Variants in DCDC1 observed in about 807,000 individuals in gnomAD.
The protein encoded by DCDC1 is doublecortin domain-containing protein 1.
A neutral mutation model predicts 178.3 loss-of-function variants in DCDC1; 200 were observed. The observed-to-expected ratio is 1.12, with a 90% CI of 1.00 to 1.26. The LOEUF is 1.26. Ranked by LOEUF, DCDC1 falls within the 50% of genes most tolerant of loss-of-function variation. DCDC1 has a pLI of 0.00. For synonymous variants in DCDC1, 690 were observed against 604.8 expected (o/e 1.14, Z -2.07); for missense variants, 1,983 against 1,749.2 (o/e 1.13, Z -2.38).
At chr11:31,038,232 C>T (rs922379088) in intron 20 of DCDC1, among the ~76,000 whole-genome samples, 1 of 151,952 alleles carries the variant, frequency 6.6e-6, no homozygotes, top group Non-Finnish European at 1.5e-5. Flanking sequence ...TATATATACA[C>T]ACACACACAT....
chr11:30,954,735 C>A (rs999218587), intron 20 of DCDC1, among the ~76,000 whole-genome samples: 3 of 152,168 alleles, frequency 2.0e-5, no homozygotes, highest in Non-Finnish European at 4.4e-5. Flanking sequence ...CAGTGCATCA[C>A]CCATAATTTT....
intron 6 of DCDC1, among the ~76,000 whole-genome samples, chr11:31,294,724 AAGGG>A (rs201019954): frequency 0.19 from 13,656 of 71,380 alleles, 2,470 homozygotes; most frequent in East Asian, 0.58. Flanking sequence ...GGAAGGAAGG[AAGGG>A]AGGGAGGGAG....
intron 20 of DCDC1, among the ~76,000 whole-genome samples, chr11:30,970,320 C>T (rs200305009): frequency 4.3e-4 from 65 of 152,202 alleles, no homozygotes; most frequent in East Asian, 1.4e-3. Context: ...ATTTTGAGGG[C>T]CCAGTCCCCA....
intron 9 of DCDC1, among the ~76,000 whole-genome samples, chr11:31,154,935 T>C (rs1213139996): frequency 6.6e-6 from 1 of 152,208 alleles, no homozygotes; most frequent in Non-Finnish European, 1.5e-5. Context: ...TTCAGCCTTG[T>C]GTTCTGCCAG....
At chr11:31,269,006 G>GT (rs911612219) in intron 7 of DCDC1, among the ~76,000 whole-genome samples, 1 of 152,156 alleles carries the variant, frequency 6.6e-6, no homozygotes, top group Admixed American at 6.5e-5. Flanking sequence ...CTTTGTGCAA[G>GT]TTTTAAAAGT....
At chr11:30,975,317 G>T (rs991290420) in intron 20 of DCDC1, among the ~76,000 whole-genome samples, 2 of 151,914 alleles carry the variant, frequency 1.3e-5, no homozygotes, top group African/African-American at 4.8e-5. Context: ...AGCAAGACAA[G>T]GATACCCCAC....
intron 15 of DCDC1, among the ~76,000 whole-genome samples, chr11:31,099,780 G>A (rs1422903023): frequency 5.3e-5 from 8 of 150,080 alleles, no homozygotes; most frequent in East Asian, 3.9e-4. Context: ...GTGCAGTGGC[G>A]CAATCTCGGC....
intron 6 of DCDC1, among the ~76,000 whole-genome samples, chr11:31,301,371 G>A (rs942900129): frequency 2.0e-5 from 3 of 152,270 alleles, no homozygotes; most frequent in Admixed American, 6.5e-5. Context: ...CACCACAAAG[G>A]CTGGTATCTG....
In DCDC1 at chr11:31,265,974, T is replaced by G. The variant is rs1298517726; in HGVS notation, c.961-374A>C. Among the ~76,000 whole-genome samples the G allele has an allele frequency of 2.0e-5, 3 of 150,826 alleles. No individual in the cohort carries two copies. The East Asian group carries it at 5.8e-4, about 29-fold the overall frequency. The stretch of plus-strand genomic sequence containing the variant: ...AATAAATGGTAGACCTTTAGAACTC[T>G]GAGGGATTTTTATCTTAGTCTTGCA... On this transcript the variant is annotated intron_variant, in intron 7 of 38. Transcript: ENST00000684477.
At chr11:30,996,445 A>G (rs1423348204) in intron 20 of DCDC1, among the ~76,000 whole-genome samples, 1 of 145,534 alleles carries the variant, frequency 6.9e-6, no homozygotes, top group Non-Finnish European at 1.5e-5. Flanking sequence ...TTCAAAAATC[A>G]TATTGAGACT....
At chr11:31,311,681 G>A (rs1948779788) in intron 3 of DCDC1, among the ~76,000 whole-genome samples, 1 of 152,068 alleles carries the variant, frequency 6.6e-6, no homozygotes, top group South Asian at 2.1e-4. Context: ...TGTGCTCCTC[G>A]ACAATCCTAA....
intron 9 of DCDC1, among the ~76,000 whole-genome samples, chr11:31,225,836 C>T (rs909890045): frequency 3.3e-5 from 5 of 151,386 alleles, no homozygotes; most frequent in African/African-American, 9.7e-5. Context: ...CCCAATCTTT[C>T]GTGTCTGGAG....
intron 17 of DCDC1, among the ~76,000 whole-genome samples, chr11:31,079,428 A>G (rs1957049799): frequency 6.6e-6 from 1 of 152,214 alleles, no homozygotes; most frequent in South Asian, 2.1e-4. Flanking sequence ...AAACATAAGT[A>G]AATGTTTCTC....
chr11:31,187,978 C>T (rs534127623), intron 9 of DCDC1, among the ~76,000 whole-genome samples: 4 of 152,254 alleles, frequency 2.6e-5, no homozygotes, highest in East Asian at 3.9e-4. Context: ...GCATTTATAA[C>T]ACCTCATCTA....
At chr11:31,056,191 T>A (rs1955574321) in intron 20 of DCDC1, among the ~76,000 whole-genome samples, 1 of 151,660 alleles carries the variant, frequency 6.6e-6, no homozygotes, top group African/African-American at 2.4e-5. Flanking sequence ...CTAAAAATAA[T>A]AATAAAATAA....
intron 1 of DCDC1, among the ~76,000 whole-genome samples, chr11:31,365,222 A>G (rs1279860335): frequency 1.3e-5 from 2 of 152,180 alleles, no homozygotes; most frequent in East Asian, 3.8e-4. Context: ...CAATAGGTGA[A>G]TGAAGGCTGT....
chr11:31,363,059 T>C (rs1951789641), intron 1 of DCDC1, among the ~76,000 whole-genome samples: 2 of 152,206 alleles, frequency 1.3e-5, no homozygotes, highest in African/African-American at 4.8e-5. Context: ...GAAGTTGTAA[T>C]GCTTAATCAT....
rs755340703 is a variant in DCDC1 at position 31,328,204 on chromosome 11, T to A, written c.77A>T (p.Glu26Val). 1 of 1,612,650 alleles carries A rather than the reference T, an allele frequency of 6.2e-7. No individual in the cohort carries two copies. The highest frequency in any genetic ancestry group is 8.5e-7 in the Non-Finnish European group (1 of 1,179,018). The change falls in exon 3 of 39, where the codon GAA becomes GTA. Residue 26 changes from glutamate (E) to valine (V), a missense_variant. By Grantham distance (121) the Glu-to-Val change is moderately radical. Transcript: ENST00000684477. ...SSLSLLTEAM[E>V]VLQQSSPEGT... Reference sequence around the variant, plus strand: ...TTCAGGGCTACTTTGCTGTAATACTTCCATTGCTTCAGTCAAGAGGGATAA... The same window carrying A: ...TTCAGGGCTACTTTGCTGTAATACTACCATTGCTTCAGTCAAGAGGGATAA...
intron 3 of DCDC1, among the ~76,000 whole-genome samples, chr11:31,326,592 C>T (rs1436086441): frequency 6.6e-6 from 1 of 152,074 alleles, no homozygotes; most frequent in African/African-American, 2.4e-5. Flanking sequence ...TACAATATAA[C>T]ACACAGGGTA....
Sources: allele counts gnomAD v4.1 joint callset (sites outside exome capture counted in the v4.1 genomes callset), GRCh38; gene constraint gnomAD v4.1.1; transcripts MANE v1.5; gene names NCBI Gene and HGNC (gene_info 2026-07-23, HGNC 2026-07-21).